The following KL variants were observed in gnomAD, a reference collection of about 807,000 sequenced individuals.
KL encodes alpha-klotho.
KL carries 62 observed loss-of-function variants against 84.2 expected under a neutral mutation model. That is an observed-to-expected ratio of 0.74 (90% confidence interval 0.60 to 0.91). The LOEUF is 0.91. Ranked by LOEUF, KL falls within the 40% of genes least tolerant of loss-of-function variation. KL has a pLI of 0.00. For missense variants in KL, 1,261 were observed against 1,305.7 expected (o/e 0.97, Z 0.53); for synonymous variants, 528 against 528.0 (o/e 1.00, Z 0.00).
chr13:33,061,674 C>T lies in KL; in HGVS notation c.2595C>T (p.Asp865=). 1 of 1,614,112 alleles carries T rather than the reference C, an allele frequency of 6.2e-7. No homozygotes were observed. Among genetic ancestry groups the T allele is most frequent in the Middle Eastern group, 1.6e-4 (1 of 6,062 alleles). The change falls in exon 4 of 5, where the codon GAC becomes GAT. Residue 865 remains aspartate (D), a synonymous_variant. Coordinates refer to ENST00000380099, the MANE Select transcript of KL (RefSeq NM_004795.4). The part of the protein sequence containing the change: ...VLNWLKFKYG[D]LPMYIISNGI... The stretch of plus-strand genomic sequence containing the variant: ...ACTGGCTGAAGTTCAAGTACGGAGA[C>T]CTCCCCATGTACATAATATCCAATG...
intron 1 of KL, among the ~76,000 whole-genome samples, chr13:33,019,708 GGTGTGT>G (rs111786826): frequency 5.3e-5 from 7 of 133,270 alleles, no homozygotes; most frequent in African/African-American, 1.7e-4. Context: ...TGGCAAAAAT[GGTGTGT>G]GTGTGTGTGT....
intron 1 of KL, among the ~76,000 whole-genome samples, chr13:33,020,738 C>T (rs957818990): frequency 3.9e-5 from 6 of 152,280 alleles, no homozygotes; most frequent in South Asian, 2.1e-4. Context: ...TCTATGACTA[C>T]GATGGAGGTG....
At chr13:33,038,367 C>T (rs1357814755) in intron 1 of KL, among the ~76,000 whole-genome samples, 1 of 152,138 alleles carries the variant, frequency 6.6e-6, no homozygotes, top group African/African-American at 2.4e-5. Context: ...ACTCCATTGC[C>T]CTCCCTAAGC....
intron 3 of KL, 46 bp from the exon 4 acceptor site, chr13:33,060,633 C>G (rs1470449877): frequency 4.3e-6 from 7 of 1,612,224 alleles, no homozygotes; most frequent in Non-Finnish European, 4.2e-6. Flanking sequence ...GAATTACTTC[C>G]TCAGGACTGC....
At chr13:33,016,284 T>C (rs1870316666), upstream of KL, 1 of 151,334 alleles carries the variant, frequency 6.6e-6, no homozygotes, top group African/African-American at 2.4e-5. Context: ...CCGCCCCCAG[T>C]GCCAGGGCGG....
chr13:33,032,380 G>A (rs1288457738), intron 1 of KL, among the ~76,000 whole-genome samples: 1 of 152,096 alleles, frequency 6.6e-6, no homozygotes, highest in African/African-American at 2.4e-5. Flanking sequence ...TCTCTGGTCC[G>A]CAGTCATCTG....
rs387907446 is a variant in KL at position 33,064,176 on chromosome 13, G to A, written c.3029G>A (p.Ser1010Asn). The change falls in exon 5 of 5, where the codon AGT becomes AAT. Residue 1010 changes from serine (S) to asparagine (N), a missense_variant. Physicochemically the swap from Ser to Asn is conservative, Grantham distance 46. Transcript: ENST00000380099. The stretch of plus-strand genomic sequence containing the variant: ...TACTACTCGAAGAAAGGCAGAAGAA[G>A]TTACAAATAGTTCTGAACATTTTTC... The part of the protein sequence containing the change: ...IFYYSKKGRR[S>N]YK The A allele has an allele frequency of 2.5e-6, 4 of 1,595,934 alleles. No homozygotes were observed. Among genetic ancestry groups the A allele is most frequent in the African/African-American group, 1.3e-5 (1 of 74,632 alleles).
Position 33,054,041 on chromosome 13 carries a change from A to C in KL, c.1094A>C (p.Asp365Ala), listed in dbSNP as rs1282561971. Residue 365 changes from aspartate to alanine, a missense_variant, in exon 2 of 5, where the codon GAC becomes GCC. Transcript: ENST00000380099. ...AAAAAGTTCATCAAAGGAACTGCTG[A>C]CTTTTTTGCTCTTTGCTTTGGACCC... ...SEKKFIKGTA[D>A]FFALCFGPTL... The C allele has an allele frequency of 1.2e-6, 2 of 1,612,720 alleles. No individual in the cohort carries two copies. The highest frequency in any genetic ancestry group is 3.3e-5 in the Admixed American group (2 of 59,936).
At chr13:33,031,614 ATTTC>A (rs1870975996) in intron 1 of KL, among the ~76,000 whole-genome samples, 1 of 152,222 alleles carries the variant, frequency 6.6e-6, no homozygotes, top group Admixed American at 6.5e-5. Flanking sequence ...AAGAACAGAC[ATTTC>A]GGAAAATAAG....
Position 33,061,236 on chromosome 13 carries a change from G to C in KL, c.2157G>C (p.Arg719Ser), listed in dbSNP as rs1872182620. Reference sequence around the variant, plus strand: ...GGCATGTGTACAATGAAAAGTTTAGGCATGCTCAGAATGGGAAAATATCCA... The same window carrying C: ...GGCATGTGTACAATGAAAAGTTTAGCCATGCTCAGAATGGGAAAATATCCA... ...LAWHVYNEKF[R>S]HAQNGKISIA... The change falls in exon 4 of 5, where the codon AGG (arginine) becomes AGC (serine). Residue 719 changes from arginine (R) to serine (S), a missense_variant. Arg to Ser is a moderately radical substitution (Grantham distance 110). Transcript: ENST00000380099. The C allele has an allele frequency of 3.1e-6, 5 of 1,614,114 alleles. No homozygotes were observed. The highest frequency in any genetic ancestry group is 4.2e-6 in the Non-Finnish European group (5 of 1,180,050).
chr13:33,059,318 G>A (rs962349011), intron 3 of KL, among the ~76,000 whole-genome samples: 4 of 152,056 alleles, frequency 2.6e-5, no homozygotes, highest in African/African-American at 9.7e-5. Context: ...TATTTGGGAG[G>A]ATTTTATAGC....
chr13:33,018,962 C>A (rs576404), intron 1 of KL, among the ~76,000 whole-genome samples: 48,963 of 151,960 alleles, frequency 0.32, 9,230 homozygotes, highest in Admixed American at 0.44. Flanking sequence ...TGTTTTAGAT[C>A]TTTTTGCCCA....
Position 33,041,087 on chromosome 13 carries a change from A to T in KL, c.820-12680A>T, listed in dbSNP as rs918157613. 3.7e-4 allele frequency among the ~76,000 whole-genome samples: 56 copies of T among 152,242 alleles called. 1 individual carries two copies. The highest frequency in any genetic ancestry group is 3.4e-3 in the Middle Eastern group (1 of 292). On this transcript the variant is annotated intron_variant, in intron 1 of 4. Transcript: ENST00000380099. Reference sequence around the variant, plus strand: ...TCCTCCTAGATCCTATTTTCCACGTAGTAGCCACTGATTTTTGGAAACTTA... The same window carrying T: ...TCCTCCTAGATCCTATTTTCCACGTTGTAGCCACTGATTTTTGGAAACTTA...
Position 33,016,856 on chromosome 13 carries a change from T to C in KL, c.416T>C (p.Leu139Pro). Residue 139 changes from leucine (L) to proline (P), a missense_variant, in exon 1 of 5, where the codon CTG becomes CCG. Coordinates refer to ENST00000380099, the MANE Select transcript of KL (RefSeq NM_004795.4). ...AACGTCTTCCGCGACACGGAGGCGC[T>C]GCGCGAGCTCGGGGTCACTCACTAC... ...YNNVFRDTEA[L>P]RELGVTHYRF... 6.2e-7 allele frequency: 1 copy of C among 1,612,644 alleles called. No homozygotes were observed. Among genetic ancestry groups the C allele is most frequent in the Non-Finnish European group, 8.5e-7 (1 of 1,179,760 alleles).
At position 33,064,741 on chromosome 13, in the gene KL, T is replaced by A. The variant is rs574889485; in HGVS notation, c.*555T>A. On this transcript the variant is annotated 3_prime_UTR_variant, in exon 5 of 5. Transcript: ENST00000380099. ...GAATGTTCCTTTCGAAAGCAATGCT[T>A]CTATCAAATACTAGTATTAATTTAT... 21 of 224,588 alleles carry A rather than the reference T, an allele frequency of 9.4e-5. No homozygotes were observed. Among genetic ancestry groups the A allele is most frequent in the African/African-American group, 4.7e-4 (21 of 44,958 alleles). The allele number at this position is 224,588 out of a possible 1,614,324, so 13.9% of individuals were successfully genotyped here. A position where few individuals can be genotyped will look rare whatever the true frequency, so the allele number is the denominator to read the frequency against.
chr13:33,022,131 C>A, intron 1 of KL, among the ~76,000 whole-genome samples: 1 of 152,044 alleles, frequency 6.6e-6, no homozygotes, highest in African/African-American at 2.4e-5. Context: ...TTTAACAATG[C>A]CAATTATTTT....
intron 3 of KL, among the ~76,000 whole-genome samples, chr13:33,057,465 A>G (rs1264007365): frequency 1.3e-5 from 2 of 152,146 alleles, no homozygotes; most frequent in South Asian, 2.1e-4. Flanking sequence ...GAGATGGGAG[A>G]TAATTCCTTT....
Position 33,053,984 on chromosome 13 carries a change from C to A in KL, c.1037C>A (p.Ser346Ter). The A allele has an allele frequency of 6.2e-7, 1 of 1,613,890 alleles. No homozygotes were observed. The highest frequency in any genetic ancestry group is 8.5e-7 in the Non-Finnish European group (1 of 1,179,856). Reference protein sequence around the residue: ...DYPESMKNNLSSILPDFTESE... With the variant: ...DYPESMKNNL ...CCCGAGAGCATGAAGAATAACCTTT[C>A]ATCTATTCTGCCTGATTTTACTGAA... The change falls in exon 2 of 5, where the codon TCA (serine) becomes TAA (stop). Residue 346 changes from serine to a stop codon, truncating the protein, a stop_gained. Coordinates refer to ENST00000380099, the MANE Select transcript of KL (RefSeq NM_004795.4). LOFTEE classifies it high-confidence loss of function.
intron 1 of KL, among the ~76,000 whole-genome samples, chr13:33,040,024 G>A (rs1477126216): frequency 6.6e-6 from 1 of 152,212 alleles, no homozygotes; most frequent in Admixed American, 6.5e-5. Context: ...CTAACTGGGT[G>A]TCAGGGAAAG....
Sources: allele counts gnomAD v4.1 joint callset (sites outside exome capture counted in the v4.1 genomes callset), GRCh38; gene constraint gnomAD v4.1.1; transcripts MANE v1.5; gene names NCBI Gene and HGNC (gene_info 2026-07-23, HGNC 2026-07-21).